PIEZO2: variants seen among roughly 807,000 people sequenced by gnomAD.
PIEZO2 encodes piezo type mechanosensitive ion channel component 2, also known as piezo-type mechanosensitive ion channel component 2.
Under a neutral mutation model 337.3 loss-of-function variants are expected in PIEZO2, and 172 were observed. The observed-to-expected ratio is 0.51, with a 90% CI of 0.45 to 0.58. The LOEUF (loss-of-function observed/expected upper bound fraction) is 0.58, where lower values mean the gene tolerates loss of function less well. PIEZO2 is among the 20% of genes least tolerant of loss of function. The pLI is 0.00. For missense variants in PIEZO2, 3,028 were observed against 3,391.3 expected (o/e 0.89, Z 2.66); for synonymous variants, 1,251 against 1,228.5 (o/e 1.02, Z -0.38).
In PIEZO2 at chr18:10,881,883, C is replaced by CT. The variant is rs556187956; in HGVS notation, c.330-10469dup. Among the ~76,000 whole-genome samples, 90 of 152,066 alleles carry CT rather than the reference C, an allele frequency of 5.9e-4. 1 individual carries two copies. The Middle Eastern group carries it at 0.01, about 17-fold the overall frequency. Reference sequence around the variant, plus strand: ...TGGTGATCAGCCCCACGACAGTACTCTTTTTTTTGCCATCTTCAATCTCAC... The same window carrying CT: ...TGGTGATCAGCCCCACGACAGTACTCTTTTTTTTTGCCATCTTCAATCTCAC... On this transcript the variant is annotated intron_variant, in intron 4 of 55. Coordinates refer to ENST00000674853, the MANE Select transcript of PIEZO2 (RefSeq NM_001378183.1).
At position 10,965,578 on chromosome 18, in the gene PIEZO2, T is replaced by C. The variant is rs557812772; in HGVS notation, c.286+13957A>G. On this transcript the variant is annotated intron_variant, in intron 3 of 55. Coordinates refer to ENST00000674853, the MANE Select transcript of PIEZO2 (RefSeq NM_001378183.1). ...ATTCTGAGAAGTACAAGCATGTTGA[T>C]GAACAATATGGTACAGTCTAGAAAG... is the stretch of plus-strand genomic sequence containing the variant. 2.0e-5 allele frequency among the ~76,000 whole-genome samples: 3 copies of C among 152,342 alleles called. No individual in the cohort carries two copies. The East Asian group carries it at 5.8e-4, about 29-fold the overall frequency.
At chr18:11,090,990 A>C (rs1479371832) in intron 1 of PIEZO2, among the ~76,000 whole-genome samples, 1 of 152,054 alleles carries the variant, frequency 6.6e-6, no homozygotes, top group East Asian at 1.9e-4. Context: ...CATAGAGAAG[A>C]CCAATTTGTA....
At position 11,125,551 on chromosome 18, in the gene PIEZO2, G is replaced by A. The variant is rs971440391; in HGVS notation, c.64+22974C>T. Among the ~76,000 whole-genome samples the A allele has an allele frequency of 2.0e-5, 3 of 152,106 alleles. No individual in the cohort carries two copies. The highest frequency in any genetic ancestry group is 6.5e-5 in the Admixed American group (1 of 15,276). ...TGGATTGTTTCCTCAATACATCTGCGGAAACCAAGACACACTCCATTCCAA... is the reference window on the plus strand; with the variant it reads ...TGGATTGTTTCCTCAATACATCTGCAGAAACCAAGACACACTCCATTCCAA... On this transcript the variant is annotated intron_variant, in intron 1 of 55. Transcript: ENST00000674853. This position sits in a 1 kb window ranked among gnomAD's most constrained non-coding sequence, Gnocchi z 4.4.
rs2042306008 is a variant in PIEZO2, at chr18:10,877,723, C to T, written c.330-6308G>A. On this transcript the variant is annotated intron_variant, in intron 4 of 55. Transcript: ENST00000674853. The surrounding 1 kb of genome is among the most constrained non-coding windows in gnomAD (Gnocchi z 5.3). ...TTTCATCTCAGGTTGTCCCCTCTGCCAGCCAGGCCTCCACATTAATATCAG... is the reference window on the plus strand; with the variant it reads ...TTTCATCTCAGGTTGTCCCCTCTGCTAGCCAGGCCTCCACATTAATATCAG... Among the ~76,000 whole-genome samples, 1 of 152,152 alleles carries T rather than the reference C, an allele frequency of 6.6e-6. No homozygotes were observed. The highest frequency in any genetic ancestry group is 2.4e-5 in the African/African-American group (1 of 41,438).
chr18:10,885,293 A>G (rs2042545022), intron 4 of PIEZO2, among the ~76,000 whole-genome samples: 1 of 152,094 alleles, frequency 6.6e-6, no homozygotes, highest in Admixed American at 6.6e-5. Context: ...GCGTGGTGGC[A>G]GGTGCCTGTA....
Position 10,795,141 on chromosome 18 carries a change from T to C in PIEZO2, c.1528-139A>G, listed in dbSNP as rs911059211. 23 of 734,690 alleles carry C rather than the reference T, an allele frequency of 3.1e-5. No homozygotes were observed. Among genetic ancestry groups the C allele is most frequent in the Non-Finnish European group, 4.6e-5 (21 of 460,106 alleles). The allele number at this position is 734,690 out of a possible 1,614,324, so 45.5% of individuals were successfully genotyped here. ...AGAGTAGAGAGTTGTGGTGGAGTGA[T>C]GGAGACCCCAAGCCGTGGAGTGGTG... On this transcript the variant is annotated intron_variant, in intron 12 of 55. Transcript: ENST00000674853. The surrounding 1 kb of genome is among the most constrained non-coding windows in gnomAD (Gnocchi z 4.4).
At position 10,800,412 on chromosome 18, in the gene PIEZO2, T is replaced by C. The variant is rs2039769706; in HGVS notation, c.1303A>G (p.Met435Val). The C allele has an allele frequency of 1.3e-6, 2 of 1,536,092 alleles. No individual in the cohort carries two copies. The highest frequency in any genetic ancestry group is 1.4e-5 in the African/African-American group (1 of 72,970). ...DYHTIHPSLPMENGPGKADLY... is the reference protein window; with the variant it reads ...DYHTIHPSLPVENGPGKADLY... ...TCGGCTTTGCCAGGGCCGTTCTCCATGGGCAGGCTTGGGTGGATGGTGTGG... is the reference window on the plus strand; with the variant it reads ...TCGGCTTTGCCAGGGCCGTTCTCCACGGGCAGGCTTGGGTGGATGGTGTGG... The change falls in exon 11 of 56, where the codon ATG becomes GTG. Residue 435 changes from methionine to valine, a missense_variant. By Grantham distance (21) the Met-to-Val change is conservative. Coordinates refer to ENST00000674853, the MANE Select transcript of PIEZO2 (RefSeq NM_001378183.1).
chr18:11,052,971 G>T (rs566583316), intron 2 of PIEZO2, among the ~76,000 whole-genome samples: 1 of 152,072 alleles, frequency 6.6e-6, no homozygotes, highest in Non-Finnish European at 1.5e-5. Flanking sequence ...TTGCAGGAGC[G>T]TTAGCTCTGT....
intron 2 of PIEZO2, among the ~76,000 whole-genome samples, chr18:11,007,215 T>C (rs2035753864): frequency 1.3e-5 from 2 of 152,198 alleles, no homozygotes; most frequent in Admixed American, 1.3e-4. Flanking sequence ...TCAAAAACAA[T>C]GATGAATTGA....
chr18:10,694,374 AT>A (rs74664317), intron 47 of PIEZO2, among the ~76,000 whole-genome samples: 27 of 152,060 alleles, frequency 1.8e-4, no homozygotes, highest in Non-Finnish European at 2.6e-4. Context: ...CGTAAAATCC[AT>A]TTTTTTTATT....
At chr18:10,936,918 T>A (rs1018771214) in intron 3 of PIEZO2, among the ~76,000 whole-genome samples, 2 of 152,172 alleles carry the variant, frequency 1.3e-5, no homozygotes, top group African/African-American at 4.8e-5. Flanking sequence ...CTTTAGCTAC[T>A]GACTCCCTCC....
chr18:10,702,030 T>G lies in PIEZO2; in HGVS notation c.6400A>C (p.Ile2134Leu), dbSNP rs575579489. ...KKEGYVLYDL[I>L]QLLALFFHRS... ...TGAAAGAACAGAGCCAGGAGCTGGA[T>G]GAGGTCATAGAGAACATAACCTTCC... The change falls in exon 43 of 56, where the codon ATC becomes CTC. Residue 2134 changes from isoleucine to leucine, a missense_variant. This residue lies in a region of PIEZO2 where 1,925 missense variants were observed against 2,051.9 expected (regional missense o/e 0.94). Transcript: ENST00000674853. 8.7e-5 allele frequency: 133 copies of G among 1,534,644 alleles called. No homozygotes were observed. Among genetic ancestry groups the G allele is most frequent in the Non-Finnish European group, 1.1e-4 (124 of 1,146,172 alleles).
intron 36 of PIEZO2, among the ~76,000 whole-genome samples, chr18:10,730,672 A>C (rs2036727449): frequency 2.6e-5 from 4 of 152,082 alleles, no homozygotes; most frequent in Admixed American, 2.6e-4. Flanking sequence ...AGTGTTGTTT[A>C]AGTGTGCTTT....
intron 7 of PIEZO2, among the ~76,000 whole-genome samples, chr18:10,852,253 T>A (rs2041575454): frequency 6.6e-6 from 1 of 152,232 alleles, no homozygotes; most frequent in Non-Finnish European, 1.5e-5. Context: ...AAAATTCTTT[T>A]CTTATTAGAC....
Position 11,134,539 on chromosome 18 carries a change from T to C in PIEZO2, c.64+13986A>G, listed in dbSNP as rs1022614384. ...GGCCCTCATCCCAAAATACACTCTTTTTATTGTTCTATCTGGTAGTCCAAA... is the reference window on the plus strand; with the variant it reads ...GGCCCTCATCCCAAAATACACTCTTCTTATTGTTCTATCTGGTAGTCCAAA... On this transcript the variant is annotated intron_variant, in intron 1 of 55. Transcript: ENST00000674853. Among the ~76,000 whole-genome samples the C allele has an allele frequency of 5.3e-5, 8 of 152,314 alleles. 1 individual carries two copies. The South Asian group carries it at 1.7e-3, about 32-fold the overall frequency.
At chr18:10,744,420 C>T (rs2037344808) in intron 30 of PIEZO2, among the ~76,000 whole-genome samples, 189 bp from the exon 31 acceptor site, 1 of 152,118 alleles carries the variant, frequency 6.6e-6, no homozygotes, top group Non-Finnish European at 1.5e-5. Context: ...GAACAGGGCA[C>T]AGCCTTCCCC....
At chr18:11,043,705 T>A (rs908289576) in intron 2 of PIEZO2, among the ~76,000 whole-genome samples, 3 of 152,160 alleles carry the variant, frequency 2.0e-5, no homozygotes, top group Non-Finnish European at 4.4e-5. Flanking sequence ...CTGATTTTTT[T>A]TTTTCTTGAG....
chr18:11,062,343 G>A (rs929581196), intron 2 of PIEZO2, among the ~76,000 whole-genome samples: 3 of 152,084 alleles, frequency 2.0e-5, no homozygotes, highest in Non-Finnish European at 4.4e-5. Flanking sequence ...CAGGACATAG[G>A]CATGGGCAAG....
chr18:10,842,534 A>G (rs959950571), intron 7 of PIEZO2, among the ~76,000 whole-genome samples: 1 of 152,168 alleles, frequency 6.6e-6, no homozygotes, highest in Non-Finnish European at 1.5e-5. Flanking sequence ...TGTGATCTCT[A>G]AAAACACTGG....
Sources: allele counts gnomAD v4.1 joint callset (sites outside exome capture counted in the v4.1 genomes callset), GRCh38; gene constraint gnomAD v4.1.1; regional missense constraint gnomAD v4.1.1; non-coding constraint Gnocchi (gnomAD v3.1); transcripts MANE v1.5; gene names NCBI Gene and HGNC (gene_info 2026-07-23, HGNC 2026-07-21).